The following ERC1 variants were observed in gnomAD, a reference collection of about 807,000 sequenced individuals.
The protein encoded by ERC1 is ELKS/RAB6-interacting/CAST family member 1.
ERC1 carries 56 observed loss-of-function variants against 132.0 expected under a neutral mutation model. The observed-to-expected ratio is 0.42, with a 90% CI of 0.34 to 0.53. The LOEUF (loss-of-function observed/expected upper bound fraction) is 0.53. Ranked by LOEUF, ERC1 falls within the 20% of genes least tolerant of loss-of-function variation. The pLI, the probability that ERC1 is intolerant of heterozygous loss-of-function variation, is 0.03. For synonymous variants in ERC1, 478 were observed against 476.1 expected (o/e 1.00, Z -0.05); for missense variants, 1,202 against 1,349.9 (o/e 0.89, Z 1.72).
Position 1,371,701 on chromosome 12 carries a change from A to C in ERC1, c.2781-132A>C, listed in dbSNP as rs934430757. On this transcript the variant is annotated intron_variant, in intron 15 of 18. Coordinates refer to ENST00000360905, the MANE Select transcript of ERC1 (RefSeq NM_178040.4). ...ATAGTAACTTCAAAGAATTGTTGGAAGGGGTGAATGGCGCTGTTGGCGTTT... is the reference window on the plus strand; with the variant it reads ...ATAGTAACTTCAAAGAATTGTTGGACGGGGTGAATGGCGCTGTTGGCGTTT... 3.4e-5 allele frequency: 41 copies of C among 1,200,916 alleles called. 2 individuals carry two copies. Among genetic ancestry groups the C allele is most frequent in the Admixed American group, 6.0e-5 (2 of 33,230 alleles). 74.4% of individuals were successfully genotyped at this position (1,200,916 alleles called of 1,614,324 possible). A position where few individuals can be genotyped will look rare whatever the true frequency, so the allele number is the denominator to read the frequency against.
intron 1 of ERC1, among the ~76,000 whole-genome samples, chr12:1,013,520 G>A (rs1965026420): frequency 6.6e-6 from 1 of 151,938 alleles, no homozygotes; most frequent in Admixed American, 6.6e-5. Context: ...AAGCAGAGGT[G>A]GCCTTTCAGA....
chr12:1,002,612 T>C (rs1350003072), intron 1 of ERC1, among the ~76,000 whole-genome samples: 1 of 152,104 alleles, frequency 6.6e-6, no homozygotes, highest in Non-Finnish European at 1.5e-5. Flanking sequence ...TATTCCTTCT[T>C]TGTGGTTCTA....
chr12:1,121,422 G>T (rs960221218), intron 7 of ERC1, among the ~76,000 whole-genome samples: 3 of 152,160 alleles, frequency 2.0e-5, no homozygotes, highest in East Asian at 1.9e-4. Context: ...AGAAAGATGG[G>T]GAGAAGAAGA....
intron 17 of ERC1, among the ~76,000 whole-genome samples, chr12:1,421,059 T>C (rs1037812569): frequency 6.6e-6 from 1 of 152,202 alleles, no homozygotes; most frequent in Non-Finnish European, 1.5e-5. Flanking sequence ...TAATGTATAA[T>C]ACTCAAATCA....
At chr12:1,238,481 A>G (rs1406364214) in intron 13 of ERC1, among the ~76,000 whole-genome samples, 3 of 152,070 alleles carry the variant, frequency 2.0e-5, no homozygotes, top group South Asian at 4.1e-4. Flanking sequence ...ATTGCTAACA[A>G]CTTCACAAGA....
At chr12:1,176,820 A>G (rs1229247022) in intron 8 of ERC1, among the ~76,000 whole-genome samples, 2 of 152,222 alleles carry the variant, frequency 1.3e-5, no homozygotes, top group African/African-American at 2.4e-5. Flanking sequence ...ATCTTTTGCC[A>G]ATAAAAGGCT....
intron 2 of ERC1, among the ~76,000 whole-genome samples, chr12:1,040,297 ATTTTTC>A (rs1013433979): frequency 1.8e-4 from 26 of 144,784 alleles, no homozygotes; most frequent in African/African-American, 5.8e-4. Flanking sequence ...AAAAATACTC[ATTTTTC>A]TTTTTCTTTT....
chr12:1,449,840 C>T (rs1295653716), intron 18 of ERC1, among the ~76,000 whole-genome samples: 2 of 151,470 alleles, frequency 1.3e-5, no homozygotes, highest in Middle Eastern at 3.2e-3. Context: ...TATTTTTTTC[C>T]TCTGTTTTTG....
At chr12:1,443,010 C>T (rs553531593) in intron 17 of ERC1, among the ~76,000 whole-genome samples, 30 of 152,180 alleles carry the variant, frequency 2.0e-4, no homozygotes, top group Admixed American at 4.6e-4. Flanking sequence ...CGGGTTCACA[C>T]CATTCTCCTG....
intron 16 of ERC1, among the ~76,000 whole-genome samples, chr12:1,382,495 G>T (rs2088799891): frequency 6.6e-6 from 1 of 152,082 alleles, no homozygotes; most frequent in South Asian, 2.1e-4. Context: ...CAGCTAATGT[G>T]TTTTTTATTT....
At chr12:998,715 C>T (rs1190481829) in intron 1 of ERC1, among the ~76,000 whole-genome samples, 2 of 152,094 alleles carry the variant, frequency 1.3e-5, no homozygotes, top group Non-Finnish European at 2.9e-5. Context: ...TCACTCATAG[C>T]CATTTCAGGA....
chr12:1,160,094 A>ACAAT (rs60153387), intron 8 of ERC1, among the ~76,000 whole-genome samples: 84,741 of 151,676 alleles, frequency 0.56, 26,612 homozygotes, highest in African/African-American at 0.85. Context: ...ATTTAGTCTG[A>ACAAT]CAAGTCTTGA....
intron 3 of ERC1, among the ~76,000 whole-genome samples, chr12:1,094,315 G>A (rs1196502295): frequency 6.6e-6 from 1 of 150,848 alleles, no homozygotes; most frequent in African/African-American, 2.4e-5. Context: ...CACCACACCC[G>A]GCCAAAAAAG....
intron 16 of ERC1, among the ~76,000 whole-genome samples, chr12:1,393,879 G>A (rs1202424062): frequency 2.6e-5 from 4 of 151,190 alleles, no homozygotes; most frequent in African/African-American, 4.9e-5. Flanking sequence ...AGCCAAGTGT[G>A]GTGGCGGGCG....
chr12:1,057,321 G>T (rs1405254654), intron 2 of ERC1, among the ~76,000 whole-genome samples: 1 of 151,634 alleles, frequency 6.6e-6, no homozygotes, highest in Non-Finnish European at 1.5e-5. Flanking sequence ...ACTGGGTTTC[G>T]CCCTGTTGGC....
intron 2 of ERC1, among the ~76,000 whole-genome samples, chr12:1,079,855 A>T (rs1485457286): frequency 6.6e-6 from 1 of 151,980 alleles, no homozygotes; most frequent in African/African-American, 2.4e-5. Flanking sequence ...ACAAAAGTCG[A>T]TATACAGAGA....
intron 15 of ERC1, among the ~76,000 whole-genome samples, chr12:1,341,966 A>G (rs1038013897): frequency 6.6e-6 from 1 of 152,166 alleles, no homozygotes; most frequent in African/African-American, 2.4e-5. Flanking sequence ...ACTGAATGGT[A>G]AACAGTTTCT....
rs6489283 is a variant in ERC1 at position 1,384,393 on chromosome 12, T to A, written c.2925+12416T>A. Among the ~76,000 whole-genome samples the A allele has an allele frequency of 2.6e-3, 394 of 152,166 alleles. 3 individuals carry two copies. Among genetic ancestry groups the A allele is most frequent in the African/African-American group, 9.1e-3 (379 of 41,470 alleles). On this transcript the variant is annotated intron_variant, in intron 16 of 18. Coordinates refer to ENST00000360905, the MANE Select transcript of ERC1 (RefSeq NM_178040.4). Reference sequence around the variant, plus strand: ...TTTTAAGCAGCTAAGTTCGAAAATCTGTGTGCTCATAACCCTAAATTACCA... The same window carrying A: ...TTTTAAGCAGCTAAGTTCGAAAATCAGTGTGCTCATAACCCTAAATTACCA...
chr12:1,166,539 G>A (rs957938037), intron 8 of ERC1, among the ~76,000 whole-genome samples: 1 of 152,156 alleles, frequency 6.6e-6, no homozygotes, highest in Non-Finnish European at 1.5e-5. Flanking sequence ...CATAGATGCT[G>A]TTTATCAGGT....
Sources: allele counts gnomAD v4.1 joint callset (sites outside exome capture counted in the v4.1 genomes callset), GRCh38; gene constraint gnomAD v4.1.1; transcripts MANE v1.5; gene names NCBI Gene and HGNC (gene_info 2026-07-23, HGNC 2026-07-21).